PTPRR: variants seen among roughly 807,000 people sequenced by gnomAD.
PTPRR encodes receptor-type tyrosine-protein phosphatase R.
In PTPRR, 38 loss-of-function variants were observed where a neutral mutation model predicts 77.2. That is an observed-to-expected ratio of 0.49 (90% CI 0.38 to 0.65). The LOEUF (loss-of-function observed/expected upper bound fraction) is 0.65. PTPRR is among the 30% of genes least tolerant of loss of function. The probability of loss-of-function intolerance (pLI) is 0.00; values close to 1 mark genes in which losing one functional copy is unlikely to be tolerated. For synonymous variants in PTPRR, 299 were observed against 283.1 expected (o/e 1.06, Z -0.57); for missense variants, 744 against 799.2 (o/e 0.93, Z 0.83).
intron 1 of PTPRR, among the ~76,000 whole-genome samples, chr12:70,893,387 C>T (rs1893372225): frequency 6.6e-6 from 1 of 151,804 alleles, no homozygotes; most frequent in African/African-American, 2.4e-5. Context: ...TCCTACAATT[C>T]TTATTTCATA....
chr12:70,850,901 T>C (rs1241875498), intron 2 of PTPRR, among the ~76,000 whole-genome samples: 1 of 152,140 alleles, frequency 6.6e-6, no homozygotes, highest in East Asian at 1.9e-4. Context: ...CATGAATGAG[T>C]TAATAAATTG....
chr12:70,891,027 ATTAGGAC>A (rs1014734554), intron 2 of PTPRR, among the ~76,000 whole-genome samples: 10 of 152,170 alleles, frequency 6.6e-5, no homozygotes, highest in African/African-American at 2.4e-4. Flanking sequence ...TGCAGGAAAC[ATTAGGAC>A]TGGCAATTGG....
intron 6 of PTPRR, among the ~76,000 whole-genome samples, chr12:70,709,972 G>C (rs1449836438): frequency 6.6e-6 from 1 of 152,056 alleles, no homozygotes; most frequent in Non-Finnish European, 1.5e-5. Flanking sequence ...AAGTTTGTAA[G>C]AAATGGCTTA....
intron 13 of PTPRR, among the ~76,000 whole-genome samples, chr12:70,651,176 G>A (rs978651519): frequency 1.3e-5 from 2 of 152,194 alleles, no homozygotes; most frequent in African/African-American, 4.8e-5. Context: ...GGCGTGTCCA[G>A]CATCGGAAGC....
intron 2 of PTPRR, among the ~76,000 whole-genome samples, chr12:70,805,646 C>T (rs1022244): frequency 0.8 from 121,655 of 152,196 alleles, 50,394 homozygotes; most frequent in South Asian, 0.93. Context: ...CCAAGTTGCC[C>T]TTCAGGGAGG....
At chr12:70,639,916 C>A (rs1885934962) in intron 13 of PTPRR, among the ~76,000 whole-genome samples, 2 of 152,120 alleles carry the variant, frequency 1.3e-5, no homozygotes, top group South Asian at 4.1e-4. Flanking sequence ...TGTACAGAAG[C>A]AACCTTAGCC....
At chr12:70,701,441 A>G (rs1026805936) in intron 6 of PTPRR, 118 bp from the exon 7 acceptor site, 3 of 862,636 alleles carry the variant, frequency 3.5e-6, no homozygotes, top group East Asian at 5.3e-5. Context: ...ACAACCAACT[A>G]TATTTTCTCT....
At chr12:70,889,968 T>C (rs1269402627) in intron 2 of PTPRR, among the ~76,000 whole-genome samples, 3 of 152,188 alleles carry the variant, frequency 2.0e-5, no homozygotes, top group African/African-American at 4.8e-5. Context: ...TAGAACATTC[T>C]TCACTCAGCA....
chr12:70,734,324 A>C (rs1435062567), intron 6 of PTPRR, among the ~76,000 whole-genome samples: 1 of 152,186 alleles, frequency 6.6e-6, no homozygotes, highest in African/African-American at 2.4e-5. Flanking sequence ...TACCACGACC[A>C]CCTCTTCTTT....
At chr12:70,701,034 A>C (rs906031108) in intron 7 of PTPRR, 103 bp downstream of exon 7, 5 of 1,202,424 alleles carry the variant, frequency 4.2e-6, no homozygotes, top group Non-Finnish European at 3.6e-6. Flanking sequence ...CCATTTGTTT[A>C]CTGTAGACTG....
intron 6 of PTPRR, among the ~76,000 whole-genome samples, chr12:70,721,068 C>T (rs768972075): frequency 2.0e-5 from 3 of 152,266 alleles, no homozygotes; most frequent in East Asian, 3.9e-4. Context: ...CAAAAACACT[C>T]GTGCCATATT....
At chr12:70,844,334 G>T (rs1175247287) in intron 2 of PTPRR, among the ~76,000 whole-genome samples, 1 of 152,036 alleles carries the variant, frequency 6.6e-6, no homozygotes, top group Non-Finnish European at 1.5e-5. Context: ...ATGGGTCAAG[G>T]GTTATGTGTT....
At chr12:70,689,787 C>G (rs992916286) in intron 8 of PTPRR, among the ~76,000 whole-genome samples, 5 of 152,148 alleles carry the variant, frequency 3.3e-5, no homozygotes, top group African/African-American at 1.2e-4. Flanking sequence ...CTGTCAATAG[C>G]TGGAGCACAC....
At chr12:70,911,356 C>T (rs1281342852) in intron 1 of PTPRR, among the ~76,000 whole-genome samples, 2 of 152,130 alleles carry the variant, frequency 1.3e-5, no homozygotes, top group African/African-American at 4.8e-5. Context: ...AGCAGCATCC[C>T]TCGTCCATGC....
chr12:70,808,646 A>C (rs1891753767), intron 2 of PTPRR, among the ~76,000 whole-genome samples: 1 of 152,182 alleles, frequency 6.6e-6, no homozygotes, highest in African/African-American at 2.4e-5. Flanking sequence ...CATTTGTCAA[A>C]GCAATAAAGG....
intron 10 of PTPRR, chr12:70,672,377 C>CTCCATCAG: frequency 7.6e-7 from 1 of 1,319,914 alleles, no homozygotes; most frequent in South Asian, 1.2e-5. Context: ...ATCAGAGAGC[C>CTCCATCAG]AGGAGGTAGA....
intron 6 of PTPRR, among the ~76,000 whole-genome samples, chr12:70,707,836 C>G (rs1364911338): frequency 6.6e-6 from 1 of 152,006 alleles, no homozygotes; most frequent in African/African-American, 2.4e-5. Flanking sequence ...TCTCCTAGTT[C>G]AGTAGATTTT....
intron 2 of PTPRR, among the ~76,000 whole-genome samples, chr12:70,884,188 T>C (rs111513739): frequency 2.0e-5 from 3 of 152,268 alleles, no homozygotes; most frequent in African/African-American, 7.2e-5. Flanking sequence ...ACCACCTGAG[T>C]CATAGGGATC....
chr12:70,669,932 T>C (rs374147422), intron 10 of PTPRR, among the ~76,000 whole-genome samples: 84 of 152,244 alleles, frequency 5.5e-4, no homozygotes, highest in African/African-American at 1.9e-3. Context: ...TTCAGACCCA[T>C]AGGTATCATA....
Sources: gnomAD v4.1 joint callset for allele counts (sites outside exome capture counted in the v4.1 genomes callset) on GRCh38, gnomAD v4.1.1 for gene constraint, MANE v1.5 for transcripts, NCBI Gene and HGNC (gene_info 2026-07-23, HGNC 2026-07-21) for gene names.